Variants in ZDHHC7 observed in about 807,000 individuals in gnomAD.
The protein encoded by ZDHHC7 is palmitoyltransferase ZDHHC7.
ZDHHC7 carries 12 observed loss-of-function variants against 34.1 expected under a neutral mutation model. The observed-to-expected ratio is 0.35, with a 90% CI of 0.23 to 0.57. The LOEUF (loss-of-function observed/expected upper bound fraction) is 0.57, where lower values mean the gene tolerates loss of function less well. ZDHHC7 is among the 20% of genes least tolerant of loss of function. ZDHHC7 has a pLI of 0.84. For synonymous variants in ZDHHC7, 185 were observed against 155.4 expected (o/e 1.19, Z -1.42); for missense variants, 388 against 402.7 (o/e 0.96, Z 0.31).
upstream of ZDHHC7, among the ~76,000 whole-genome samples, chr16:85,012,402 C>G (rs199975066): frequency 6.8e-6 from 1 of 147,700 alleles, no homozygotes; most frequent in Non-Finnish European, 1.5e-5. Context: ...AAAAGCATAT[C>G]TTTTTTTTAA....
rs2072524542 is a variant in ZDHHC7, at chr16:84,992,522, T to C, written c.-17-1887A>G. On this transcript the variant is annotated intron_variant, in intron 2 of 7. Transcript: ENST00000313732. ...TTTTCCTGGTAACTGTTTTGACTGCTTCTTTGATTGTACGCCCTTCTCTTA... is the reference window on the plus strand; with the variant it reads ...TTTTCCTGGTAACTGTTTTGACTGCCTCTTTGATTGTACGCCCTTCTCTTA... Among the ~76,000 whole-genome samples, 6 of 152,216 alleles carry C rather than the reference T, an allele frequency of 3.9e-5. No individual in the cohort carries two copies. In the South Asian group the frequency reaches 1.2e-3, roughly 32 times the overall value.
chr16:84,976,787 T>C (rs2072304052), intron 7 of ZDHHC7, among the ~76,000 whole-genome samples: 1 of 152,218 alleles, frequency 6.6e-6, no homozygotes, highest in South Asian at 2.1e-4. Context: ...TGTACAGACA[T>C]TTACTGAGCG....
At chr16:85,021,817 G>A in the ZDHHC7 span, among the ~76,000 whole-genome samples, 1 of 151,634 alleles carries the variant, frequency 6.6e-6, no homozygotes, top group Non-Finnish European at 1.5e-5. Flanking sequence ...AGGAGGAGAG[G>A]AGAAAAGAGA....
Position 84,977,106 on chromosome 16 carries a change from T to G in ZDHHC7, c.739A>C (p.Asn247His). 6.2e-7 allele frequency: 1 copy of G among 1,614,202 alleles called. No individual in the cohort carries two copies. The highest frequency in any genetic ancestry group is 8.5e-7 in the Non-Finnish European group (1 of 1,180,046). The change falls in exon 7 of 8, where the codon AAC becomes CAC. Residue 247 changes from asparagine to histidine, a missense_variant. Coordinates refer to ENST00000313732, the MANE Select transcript of ZDHHC7 (RefSeq NM_017740.3). ...AGAACAAAGCTTACCGTCTCGTCGT[T>G]GCATATGGAGTGGATTTGGGTGCCA... ...MFGTQIHSIC[N>H]DETEIERLKS...
chr16:84,984,772 G>A (rs1206950896), intron 3 of ZDHHC7, among the ~76,000 whole-genome samples: 1 of 152,102 alleles, frequency 6.6e-6, no homozygotes, highest in Non-Finnish European at 1.5e-5. Flanking sequence ...GGGTTTCAAG[G>A]AGGGGTTCCT....
At chr16:85,026,975 C>T in the ZDHHC7 span, among the ~76,000 whole-genome samples, 2 of 152,156 alleles carry the variant, frequency 1.3e-5, no homozygotes, top group East Asian at 3.9e-4. Context: ...TCTATACTTC[C>T]TCTACAACTA....
At position 84,990,532 on chromosome 16, in the gene ZDHHC7, G is replaced by A. The variant is rs141826979; in HGVS notation, c.87C>T (p.Ser29=). The change falls in exon 3 of 8, where the codon TCC becomes TCT. Residue 29 remains serine, a synonymous_variant. Coordinates refer to ENST00000313732, the MANE Select transcript of ZDHHC7 (RefSeq NM_017740.3). ...GGTCAGCCACGTCAGCCTCGGAGGA[G>A]GAGGACGATGAAGAGTCATAGTTGT... ...ENDNYDSSSS[S]SSEADVADRV... is the part of the protein sequence containing the mutation. 27 of 1,614,052 alleles carry A rather than the reference G, an allele frequency of 1.7e-5. No homozygotes were observed. The African/African-American group carries it at 1.7e-4, about 10-fold the overall frequency.
At chr16:84,982,983 G>C (rs552960550) in intron 3 of ZDHHC7, among the ~76,000 whole-genome samples, 1 of 152,216 alleles carries the variant, frequency 6.6e-6, no homozygotes, top group Non-Finnish European at 1.5e-5. Flanking sequence ...TTTGTTCTTT[G>C]GGCAGTGGAG....
rs759499061 is a variant in ZDHHC7 at position 84,976,321 on chromosome 16, T to G, written c.*22A>C. 10 of 1,610,918 alleles carry G rather than the reference T, an allele frequency of 6.2e-6. No individual in the cohort carries two copies. In the Admixed American group the frequency reaches 6.8e-5, roughly 11 times the overall value. Reference sequence around the variant, plus strand: ...AAATAACTGGAAGTCTGTGAGCAAGTTTCAGTCTGATGAGCCACGCCTCAC... The same window carrying G: ...AAATAACTGGAAGTCTGTGAGCAAGGTTCAGTCTGATGAGCCACGCCTCAC... On this transcript the variant is annotated 3_prime_UTR_variant, in exon 8 of 8. Coordinates refer to ENST00000313732, the MANE Select transcript of ZDHHC7 (RefSeq NM_017740.3).
chr16:85,006,929 A>G (rs1371963649), intron 1 of ZDHHC7, among the ~76,000 whole-genome samples: 3 of 151,826 alleles, frequency 2.0e-5, no homozygotes, highest in Non-Finnish European at 4.4e-5. Context: ...TGTTTCCTCC[A>G]ATTAGAATTC....
intron 2 of ZDHHC7, among the ~76,000 whole-genome samples, chr16:84,992,147 C>T (rs1397243777): frequency 1.4e-5 from 2 of 141,364 alleles, no homozygotes; most frequent in African/African-American, 2.7e-5. Flanking sequence ...CTGCACTGGA[C>T]TCAGTCTCAA....
At chr16:84,979,321 C>A in intron 4 of ZDHHC7, 36 bp from the exon 5 acceptor site, 1 of 1,598,326 alleles carries the variant, frequency 6.3e-7, no homozygotes, top group Non-Finnish European at 8.5e-7. Flanking sequence ...GTATTCCATG[C>A]TCTGAGGAAA....
intron 2 of ZDHHC7, among the ~76,000 whole-genome samples, chr16:84,992,193 G>A (rs1567499782): frequency 6.6e-6 from 1 of 151,712 alleles, no homozygotes; most frequent in East Asian, 2.0e-4. Context: ...AGTGGGTCAG[G>A]TGCGGGTGGC....
At chr16:85,017,611 CACA>C in the ZDHHC7 span, among the ~76,000 whole-genome samples, 1 of 152,118 alleles carries the variant, frequency 6.6e-6, no homozygotes, top group Admixed American at 6.5e-5. Flanking sequence ...AATACTGTGC[CACA>C]ACGACAATAC....
chr16:85,024,768 C>T, the ZDHHC7 span, among the ~76,000 whole-genome samples: 2 of 152,166 alleles, frequency 1.3e-5, no homozygotes, highest in East Asian at 1.9e-4. Flanking sequence ...TGGGGCTGAC[C>T]CCTACTCCTG....
At chr16:85,013,136 TTAA>T (rs77865015), upstream of ZDHHC7, among the ~76,000 whole-genome samples, 13,496 of 152,248 alleles carry the variant, frequency 0.089, 697 homozygotes, top group South Asian at 0.13. Context: ...CCTTACTCTA[TTAA>T]GTTTCTTCCC....
At chr16:85,018,034 TTAA>T in the ZDHHC7 span, among the ~76,000 whole-genome samples, 63 of 152,222 alleles carry the variant, frequency 4.1e-4, no homozygotes, top group African/African-American at 1.5e-3. Context: ...GTTTAGGATA[TTAA>T]TGAGTGTATA....
chr16:84,990,205 A>T, intron 3 of ZDHHC7, 99 bp downstream of exon 3: 1 of 1,368,034 alleles, frequency 7.3e-7, no homozygotes, highest in Non-Finnish European at 1.0e-6. Flanking sequence ...CACCCATGTC[A>T]ATATGTCCCT....
At chr16:85,024,238 T>TTG in the ZDHHC7 span, among the ~76,000 whole-genome samples, 1 of 148,368 alleles carries the variant, frequency 6.7e-6, no homozygotes, top group Non-Finnish European at 1.5e-5. Context: ...TTGTTTTTTT[T>TTG]TTTTTTTTTT....
Sources: allele counts gnomAD v4.1 joint callset (sites outside exome capture counted in the v4.1 genomes callset), GRCh38; gene constraint gnomAD v4.1.1; transcripts MANE v1.5; gene names NCBI Gene and HGNC (gene_info 2026-07-23, HGNC 2026-07-21).